The following CHFR variants were observed in gnomAD, a reference collection of about 807,000 sequenced individuals.
The protein encoded by CHFR is checkpoint with forkhead and ring finger domains.
A neutral mutation model predicts 87.6 loss-of-function variants in CHFR; 57 were observed. That is an observed-to-expected ratio of 0.65 (90% CI 0.53 to 0.81). CHFR has a LOEUF of 0.81. Ranked by LOEUF, CHFR falls within the 30% of genes least tolerant of loss-of-function variation. The pLI, the probability that CHFR is intolerant of heterozygous loss-of-function variation, is 0.00. For synonymous variants in CHFR, 381 were observed against 359.2 expected (o/e 1.06, Z -0.69); for missense variants, 797 against 865.8 (o/e 0.92, Z 1.00).
At chr12:132,850,143 T>C (rs970709794) in intron 12 of CHFR, among the ~76,000 whole-genome samples, 4 of 152,044 alleles carry the variant, frequency 2.6e-5, no homozygotes, top group Non-Finnish European at 5.9e-5. Context: ...TTAGTAGAGA[T>C]GGGATTTCAC....
chr12:132,844,159 C>A (rs746371244), intron 15 of CHFR, 25 bp from the exon 16 acceptor site: 2 of 980,206 alleles, frequency 2.0e-6, no homozygotes, highest in African/African-American at 5.2e-5. Flanking sequence ...GCCAGTTACC[C>A]AGCAACACCA....
intron 2 of CHFR, 43 bp downstream of exon 2, chr12:132,887,153 C>A (rs1435087967): frequency 7.0e-7 from 1 of 1,433,992 alleles, no homozygotes; most frequent in South Asian, 1.4e-5. Flanking sequence ...AACCCGGTGG[C>A]TCTGCCCGGC....
chr12:132,850,997 A>G (rs865944938), intron 12 of CHFR, among the ~76,000 whole-genome samples: 6 of 112,758 alleles, frequency 5.3e-5, no homozygotes, highest in African/African-American at 1.6e-4. Flanking sequence ...ATATATATAT[A>G]TGTTTTGTTT....
chr12:132,883,790 T>C (rs1397444280), intron 2 of CHFR, among the ~76,000 whole-genome samples: 1 of 152,092 alleles, frequency 6.6e-6, no homozygotes, highest in Non-Finnish European at 1.5e-5. Flanking sequence ...TAATGCCTTA[T>C]AAATGGCAGG....
chr12:132,847,577 G>A, intron 14 of CHFR: 1 of 1,066,240 alleles, frequency 9.4e-7, no homozygotes, highest in Non-Finnish European at 1.1e-6. Context: ...GCGCCTGCCA[G>A]GTGTGTCTGT....
At chr12:132,887,427 G>A (rs1185628416) in intron 1 of CHFR, 87 bp from the exon 2 acceptor site, 2 of 1,055,206 alleles carry the variant, frequency 1.9e-6, no homozygotes, top group South Asian at 4.5e-5. Flanking sequence ...GCCCCGGCCC[G>A]GCCGCCCGCG....
rs991093892 is a variant in CHFR at position 132,869,731 on chromosome 12, C to T, written c.471G>A (p.Gln157=). ...ATGGCTGTGGTTCCTCAAAGCACAC[C>T]TGAGTGGCGGGCGACGACGGAGGGA... ...PRVPPSSPAT[Q]VCFEEPQPST... Residue 157 remains glutamine (Q), a synonymous_variant, in exon 6 of 18, where the codon CAG becomes CAA. Coordinates refer to ENST00000450056, the MANE Select transcript of CHFR (RefSeq NM_001161346.2). The T allele has an allele frequency of 3.9e-6, 6 of 1,551,572 alleles. No homozygotes were observed. The African/African-American group carries it at 5.5e-5, about 14-fold the overall frequency.
chr12:132,851,239 C>T lies in CHFR; in HGVS notation c.1492+379G>A, dbSNP rs538617274. Among the ~76,000 whole-genome samples, 9 of 152,232 alleles carry T rather than the reference C, an allele frequency of 5.9e-5. No individual in the cohort carries two copies. In the South Asian group the frequency reaches 1.9e-3, roughly 32 times the overall value. ...CTCCTGGACACAGAAGATCCACCTA[C>T]CTTGGCCTCCCAAAGTGCTGGGATT... On this transcript the variant is annotated intron_variant, in intron 12 of 17. Coordinates refer to ENST00000450056, the MANE Select transcript of CHFR (RefSeq NM_001161346.2).
Position 132,848,079 on chromosome 12 carries a change from C to CGGTA in CHFR, c.1647+2_1647+5dup, listed in dbSNP as rs1566177313. Reference sequence around the variant, plus strand: ...CCCGGCTCCCCAGCCCGCAGCGAGTCGGTACCTTCAGGATGTCTGACTCGT... The same window carrying CGGTA: ...CCCGGCTCCCCAGCCCGCAGCGAGTCGGTAGGTACCTTCAGGATGTCTGACTCGT... On this transcript the variant is annotated splice_donor_region_variant and intron_variant, in intron 14 of 17. Transcript: ENST00000450056. 4.3e-6 allele frequency: 7 copies of CGGTA among 1,613,982 alleles called. No individual in the cohort carries two copies. The highest frequency in any genetic ancestry group is 5.9e-6 in the Non-Finnish European group (7 of 1,180,000).
rs1951510439 is a variant in CHFR, at chr12:132,872,388, A to G, written c.240T>C (p.Ser80=). 6.2e-7 allele frequency: 1 copy of G among 1,609,580 alleles called. No individual in the cohort carries two copies. The highest frequency in any genetic ancestry group is 2.2e-5 in the East Asian group (1 of 44,842). The change falls in exon 4 of 18, where the codon AGT becomes AGC. Residue 80 remains serine, a synonymous_variant. Coordinates refer to ENST00000450056, the MANE Select transcript of CHFR (RefSeq NM_001161346.2). ...CCTTCAGCTTGTTAATCACTGTTCCACTGGTGCTGTAAAAAAACAAAAACA... is the reference window on the plus strand; with the variant it reads ...CCTTCAGCTTGTTAATCACTGTTCCGCTGGTGCTGTAAAAAAACAAAAACA... The part of the protein sequence containing the change: ...GQVTLEDTST[S]GTVINKLKVV...
At chr12:132,865,157 G>A (rs1041151811) in intron 6 of CHFR, among the ~76,000 whole-genome samples, 1 of 152,188 alleles carries the variant, frequency 6.6e-6, no homozygotes, top group African/African-American at 2.4e-5. Context: ...TGGAGCGGCC[G>A]GAACGCCACC....
chr12:132,858,125 G>C (rs1951124478), intron 8 of CHFR, among the ~76,000 whole-genome samples: 1 of 152,194 alleles, frequency 6.6e-6, no homozygotes, highest in South Asian at 2.1e-4. Context: ...GGGAGGCCAA[G>C]GTGGGCAGAT....
chr12:132,857,740 G>A (rs1189743438), intron 8 of CHFR, among the ~76,000 whole-genome samples, 181 bp from the exon 9 acceptor site: 1 of 152,190 alleles, frequency 6.6e-6, no homozygotes, highest in Non-Finnish European at 1.5e-5. Context: ...CGGCCTCTGT[G>A]TTTTCAGGAA....
intron 15 of CHFR, among the ~76,000 whole-genome samples, chr12:132,845,279 C>A (rs1043810078): frequency 6.6e-6 from 1 of 151,682 alleles, no homozygotes; most frequent in Non-Finnish European, 1.5e-5. Flanking sequence ...GATGGTGAAA[C>A]CTCACCTCTA....
chr12:132,866,608 CA>C (rs1196912275), intron 6 of CHFR: 13 of 151,470 alleles, frequency 8.6e-5, no homozygotes, highest in South Asian at 4.2e-4. Context: ...TACAACACAC[CA>C]GAAAGTTACA....
At chr12:132,855,368 G>T (rs578055121) in intron 10 of CHFR, among the ~76,000 whole-genome samples, 28 of 152,028 alleles carry the variant, frequency 1.8e-4, no homozygotes, top group Non-Finnish European at 3.8e-4. Context: ...GTTGCAATGC[G>T]CCAAGATTGT....
chr12:132,876,069 G>A (rs1593521647), intron 3 of CHFR, among the ~76,000 whole-genome samples: 1 of 151,886 alleles, frequency 6.6e-6, no homozygotes, highest in African/African-American at 2.4e-5. Flanking sequence ...CCAGCTACTC[G>A]GGAGGCTGGG....
intron 12 of CHFR, chr12:132,849,480 G>C (rs929681544): frequency 1.3e-5 from 2 of 152,304 alleles, no homozygotes; most frequent in Non-Finnish European, 2.9e-5. Context: ...CAGGAAAACA[G>C]TGAGAGACAC....
chr12:132,854,668 T>A (rs1951025002), intron 10 of CHFR: 1 of 151,068 alleles, frequency 6.6e-6, no homozygotes, highest in Admixed American at 6.6e-5. Flanking sequence ...TAGCCGGGCA[T>A]GGTATCGGGA....
Sources: gnomAD v4.1 joint callset for allele counts (sites outside exome capture counted in the v4.1 genomes callset) on GRCh38, gnomAD v4.1.1 for gene constraint, MANE v1.5 for transcripts, NCBI Gene and HGNC (gene_info 2026-07-23, HGNC 2026-07-21) for gene names.